The following LRTM3 variants were observed in gnomAD, a reference collection of about 807,000 sequenced individuals.
LRTM3 encodes the protein leucine rich repeat transmembrane protein 3, also known as leucine-rich repeat transmembrane protein 3.
the LRTM3 span, chr13:102,738,702 A>G: frequency 1.8e-5 from 28 of 1,550,400 alleles, no homozygotes; most frequent in Admixed American, 4.9e-4. Context: ...GAAAAAGAGG[A>G]TCTCATTTTT....
the LRTM3 span, chr13:102,738,342 C>T: frequency 6.4e-7 from 1 of 1,550,846 alleles, no homozygotes; most frequent in African/African-American, 1.4e-5. Flanking sequence ...TGTGATAGTT[C>T]TGGAAGATAG....
the LRTM3 span, chr13:102,747,078 C>A: frequency 6.4e-7 from 1 of 1,551,000 alleles, no homozygotes; most frequent in Non-Finnish European, 8.7e-7. Context: ...GGTAGAGTTT[C>A]TTTGACGCCT....
At chr13:102,739,688 T>C in the LRTM3 span, 2 of 1,550,136 alleles carry the variant, frequency 1.3e-6, no homozygotes, top group South Asian at 2.4e-5. Flanking sequence ...TCTTTTCATA[T>C]CCATTGCTTT....
the LRTM3 span, among the ~76,000 whole-genome samples, chr13:102,756,114 G>A: frequency 8.6e-5 from 13 of 150,682 alleles, no homozygotes; most frequent in African/African-American, 3.2e-4. Flanking sequence ...CACCACAGCC[G>A]GTTAATTTTT....
At chr13:102,740,705 G>C in the LRTM3 span, 2 of 1,548,062 alleles carry the variant, frequency 1.3e-6, no homozygotes, top group African/African-American at 1.4e-5. Context: ...ATCTGTTTTG[G>C]AGTGAGATGC....
At chr13:102,746,587 C>A in the LRTM3 span, 1 of 1,551,072 alleles carries the variant, frequency 6.4e-7, no homozygotes, top group South Asian at 1.2e-5. Context: ...GCTTCACAGC[C>A]TTTGTATTTA....
chr13:102,747,097 A>G, the LRTM3 span: 3 of 1,550,904 alleles, frequency 1.9e-6, no homozygotes, highest in African/African-American at 1.4e-5. Context: ...CTTTTACTTC[A>G]TCTTGCAATT....
chr13:102,748,447 A>C, the LRTM3 span: 1 of 1,551,160 alleles, frequency 6.4e-7, no homozygotes, highest in Non-Finnish European at 8.7e-7. Flanking sequence ...GTTTCTGTGT[A>C]TTTTCCCTTG....
chr13:102,741,318 G>A, the LRTM3 span: 5 of 1,549,936 alleles, frequency 3.2e-6, no homozygotes, highest in Non-Finnish European at 4.4e-6. Flanking sequence ...TTTAAGTGAA[G>A]AGGGTCCTTA....
At chr13:102,734,144 A>T in the LRTM3 span, 1 of 1,551,448 alleles carries the variant, frequency 6.4e-7, no homozygotes, top group Non-Finnish European at 8.7e-7. Context: ...GATATGTGAC[A>T]TTGGTGAAAT....
At chr13:102,740,212 C>A in the LRTM3 span, 50,016 of 1,548,892 alleles carry the variant, frequency 0.032, 1,491 homozygotes, top group African/African-American at 0.14. Context: ...CTGATGATTT[C>A]ATTCCTTTTG....
the LRTM3 span, chr13:102,736,851 A>G: frequency 9.7e-6 from 15 of 1,551,120 alleles, no homozygotes; most frequent in South Asian, 1.8e-4. Context: ...TCATTCAAAT[A>G]TGACAATGTA....
the LRTM3 span, among the ~76,000 whole-genome samples, chr13:102,755,901 A>ATGTGTGTGTGTGTGTG: frequency 6.1e-5 from 6 of 98,850 alleles, no homozygotes; most frequent in East Asian, 2.8e-4. Context: ...ACACATATAT[A>ATGTGTGTGTGTGTGTG]TGTGTGTGTG....
chr13:102,732,123 T>C, the LRTM3 span: 6 of 1,551,426 alleles, frequency 3.9e-6, no homozygotes, highest in Non-Finnish European at 4.4e-6. Context: ...CCTTTTACAA[T>C]TGTTAAAGTG....
chr13:102,742,813 C>T, the LRTM3 span: 15 of 1,550,406 alleles, frequency 9.7e-6, no homozygotes, highest in Non-Finnish European at 1.1e-5. Flanking sequence ...CAATTGCTGC[C>T]AAATTACAGA....
At chr13:102,755,901 ATG>A in the LRTM3 span, among the ~76,000 whole-genome samples, 29,503 of 98,178 alleles carry the variant, frequency 0.3, 4,390 homozygotes, top group East Asian at 0.44. Context: ...ACACATATAT[ATG>A]TGTGTGTGTG....
chr13:102,744,264 C>T, the LRTM3 span: 2 of 1,550,442 alleles, frequency 1.3e-6, no homozygotes, highest in Non-Finnish European at 1.7e-6. Flanking sequence ...CCTATAAACT[C>T]TAATGTATAG....
chr13:102,736,184 CTA>C, the LRTM3 span: 10 of 1,547,812 alleles, frequency 6.5e-6, no homozygotes, highest in Non-Finnish European at 7.9e-6. Context: ...AGGAGAGAAT[CTA>C]TGGTGAGAGA....
the LRTM3 span, chr13:102,738,648 A>G: frequency 6.4e-7 from 1 of 1,550,412 alleles, no homozygotes; most frequent in African/African-American, 1.4e-5. Flanking sequence ...CACTTTTCAT[A>G]TGCTGTTTTC....
Sources: allele counts gnomAD v4.1 joint callset (sites outside exome capture counted in the v4.1 genomes callset), GRCh38; gene constraint gnomAD v4.1.1; transcripts MANE v1.5; gene names NCBI Gene and HGNC (gene_info 2026-07-23, HGNC 2026-07-21).